Variants in TOP2A observed in about 807,000 individuals in gnomAD.
The protein encoded by TOP2A is DNA topoisomerase 2-alpha.
In TOP2A, 68 loss-of-function variants were observed where a neutral mutation model predicts 187.2. The ratio of observed to expected loss-of-function variants is 0.36; its 90% CI spans 0.30 to 0.44. The LOEUF (loss-of-function observed/expected upper bound fraction) is 0.44. Ranked by LOEUF, TOP2A falls within the 20% of genes least tolerant of loss-of-function variation. The pLI, the probability that TOP2A is intolerant of heterozygous loss-of-function variation, is 1.00. For synonymous variants in TOP2A, 542 were observed against 593.2 expected, an observed-to-expected ratio of 0.91 and a Z score of 1.25; for missense variants, 1,196 against 1,808.7, an observed-to-expected ratio of 0.66 and a Z score of 6.14.
chr17:40,399,012 A>G (rs1209389182), intron 25 of TOP2A, 28 bp downstream of exon 25: 1 of 1,592,458 alleles, frequency 6.3e-7, no homozygotes, highest in Admixed American at 1.8e-5. Context: ...AGTCTTTAAC[A>G]ATATAGAAAA....
Position 40,411,873 on chromosome 17 carries a change from A to G in TOP2A, c.790-55T>C, listed in dbSNP as rs569679938. On this transcript the variant is annotated intron_variant, in intron 7 of 34. Coordinates refer to ENST00000423485, the MANE Select transcript of TOP2A (RefSeq NM_001067.4). The surrounding 1 kb of genome is among the most constrained non-coding windows in gnomAD (Gnocchi z 4.4). ...AGAAAGTTATTAAAAAATAGGTTCA[A>G]TGATAGACTATGAGGACTTTCCAAA... 1.0e-5 allele frequency: 14 copies of G among 1,401,724 alleles called. No individual in the cohort carries two copies. The East Asian group carries it at 1.9e-4, about 19-fold the overall frequency. 86.8% of individuals were successfully genotyped at this position (1,401,724 alleles called of 1,614,324 possible).
At chr17:40,406,515 G>A (rs574025796) in intron 15 of TOP2A, 22 bp from the exon 16 acceptor site, 8 of 1,610,864 alleles carry the variant, frequency 5.0e-6, no homozygotes, top group Non-Finnish European at 6.8e-6. Flanking sequence ...AAAATACCAA[G>A]TTCCTTCATA....
chr17:40,414,670 A>G (rs1399677089), intron 4 of TOP2A, among the ~76,000 whole-genome samples: 1 of 151,982 alleles, frequency 6.6e-6, no homozygotes, highest in Non-Finnish European at 1.5e-5. Context: ...CCTGACCAAC[A>G]TGCAGAAACC....
chr17:40,393,858 C>A (rs529892674), intron 29 of TOP2A, among the ~76,000 whole-genome samples: 6 of 152,138 alleles, frequency 3.9e-5, no homozygotes, highest in African/African-American at 1.4e-4. Flanking sequence ...GAGTTTGAGA[C>A]CATCCTGGCC....
chr17:40,396,432 CT>C lies in TOP2A; in HGVS notation c.3570del (p.Val1191SerfsTer33). Reference protein sequence around the residue: ...AVEAKEKQDEQVGLPGKGGKA... With the variant: ...AVEAKEKQDEXVGLPGKGGKA... ...TTCCCCCCTTTCCCAGGAAGTCCGA[CT>C]TGTTCATCTTGTTTTTCCTTGGCTT... On this transcript the variant is annotated frameshift_variant, in exon 28 of 35. Coordinates refer to ENST00000423485, the MANE Select transcript of TOP2A (RefSeq NM_001067.4). LOFTEE classifies it high-confidence loss of function. 6.2e-7 allele frequency: 1 copy of C among 1,613,810 alleles called. No homozygotes were observed. Among genetic ancestry groups the C allele is most frequent in the Non-Finnish European group, 8.5e-7 (1 of 1,179,820 alleles).
In TOP2A at chr17:40,416,408, A is replaced by G. The variant is rs1332222708; in HGVS notation, c.268+14T>C. Reference sequence around the variant, plus strand: ...AAGATTTGACCAGATCTTTATATTAAAGGATTTACTCACCTAGAATCTCAT... The same window carrying G: ...AAGATTTGACCAGATCTTTATATTAGAGGATTTACTCACCTAGAATCTCAT... On this transcript the variant is annotated intron_variant, in intron 3 of 34. Coordinates refer to ENST00000423485, the MANE Select transcript of TOP2A (RefSeq NM_001067.4). 6.7e-7 allele frequency: 1 copy of G among 1,493,822 alleles called. No individual in the cohort carries two copies. The highest frequency in any genetic ancestry group is 2.0e-5 in the Admixed American group (1 of 50,098). The allele number at this position is 1,493,822 out of a possible 1,614,324, so 92.5% of individuals were successfully genotyped here.
chr17:40,410,585 CA>C (rs753605894), intron 10 of TOP2A: 1 of 455,024 alleles, frequency 2.2e-6, no homozygotes, highest in African/African-American at 2.0e-5. Flanking sequence ...TGTAGTAAAC[CA>C]AAAAAGAGAT....
At chr17:40,413,410 A>G in intron 5 of TOP2A, 70 bp downstream of exon 5, 10 of 1,407,380 alleles carry the variant, frequency 7.1e-6, no homozygotes, top group South Asian at 5.7e-5. Flanking sequence ...TTTAACCCTC[A>G]TGCCACAGAC....
At chr17:40,391,361 A>T in intron 33 of TOP2A, 145 bp downstream of exon 33, 1 of 805,098 alleles carries the variant, frequency 1.2e-6, no homozygotes, top group East Asian at 2.8e-5. Flanking sequence ...TTTGATTATA[A>T]AGATCGAAAA....
chr17:40,403,118 C>T, intron 19 of TOP2A, 64 bp from the exon 20 acceptor site: 5 of 1,451,086 alleles, frequency 3.4e-6, no homozygotes, highest in Non-Finnish European at 4.7e-6. Flanking sequence ...TATGACTTAA[C>T]CTCACTATAA....
At position 40,411,961 on chromosome 17, in the gene TOP2A, G is replaced by A; in HGVS notation, c.790-143C>T. The stretch of plus-strand genomic sequence containing the variant: ...TGGTCATTAAAGGACACAGGCCGAG[G>A]TGGGTGGATCACTTGAGCCCAGGAG... On this transcript the variant is annotated intron_variant, in intron 7 of 34. Coordinates refer to ENST00000423485, the MANE Select transcript of TOP2A (RefSeq NM_001067.4). This position sits in a 1 kb window ranked among gnomAD's most constrained non-coding sequence, Gnocchi z 4.4. 1.5e-6 allele frequency: 1 copy of A among 665,128 alleles called. No individual in the cohort carries two copies. The highest frequency in any genetic ancestry group is 2.6e-5 in the South Asian group (1 of 38,494). 41.2% of individuals were successfully genotyped at this position (665,128 alleles called of 1,614,324 possible). A position where few individuals can be genotyped will look rare whatever the true frequency, so the allele number is the denominator to read the frequency against.
At chr17:40,389,889 A>G in intron 34 of TOP2A, 76 bp downstream of exon 34, 1 of 1,437,020 alleles carries the variant, frequency 7.0e-7, no homozygotes, top group Non-Finnish European at 9.3e-7. Flanking sequence ...AGATATGCCA[A>G]ATTTTTAAGA....
chr17:40,416,895 GC>G lies in TOP2A; in HGVS notation c.22-1del, dbSNP rs766674887. ...TTGACTTGCATATTTTCATTTACAGGCTAGCAATTAAAAAAAAAGAGAGAAA... is the reference window on the plus strand; with the variant it reads ...TTGACTTGCATATTTTCATTTACAGGTAGCAATTAAAAAAAAAGAGAGAAA... On this transcript the variant is annotated splice_acceptor_variant, in intron 1 of 34. Coordinates refer to ENST00000423485, the MANE Select transcript of TOP2A (RefSeq NM_001067.4). LOFTEE classifies it high-confidence loss of function. The G allele has an allele frequency of 6.3e-7, 1 of 1,579,766 alleles. No individual in the cohort carries two copies. The highest frequency in any genetic ancestry group is 8.6e-7 in the Non-Finnish European group (1 of 1,167,722).
chr17:40,392,544 A>T, intron 30 of TOP2A, 41 bp downstream of exon 30: 1 of 1,579,898 alleles, frequency 6.3e-7, no homozygotes. Flanking sequence ...TGGCCATTCC[A>T]CTCTTACAGT....
chr17:40,393,927 G>A (rs970403371), intron 29 of TOP2A, among the ~76,000 whole-genome samples: 1 of 152,034 alleles, frequency 6.6e-6, no homozygotes, highest in East Asian at 1.9e-4. Context: ...ATGGTGGTGC[G>A]TGCCTGTAAT....
At position 40,417,890 on chromosome 17, in the gene TOP2A, G is replaced by C; in HGVS notation, c.-99C>G. The C allele has an allele frequency of 6.5e-7, 1 of 1,540,268 alleles. No individual in the cohort carries two copies. The highest frequency in any genetic ancestry group is 1.2e-5 in the South Asian group (1 of 86,930). ...CCAAGCCGCTTCTCCACAGACGCGC[G>C]TCGGTTAGGAGAGCTCCACTTGAAC... is the stretch of plus-strand genomic sequence containing the variant. On this transcript the variant is annotated 5_prime_UTR_variant, in exon 1 of 35. Transcript: ENST00000423485.
Position 40,392,358 on chromosome 17 carries a change from A to G in TOP2A, c.3965-17T>C. ...TTGTTTTTGCTAGTAAAAAAACCATATACAAAAAAATCAAAGAGGGTAGTA... is the reference window on the plus strand; with the variant it reads ...TTGTTTTTGCTAGTAAAAAAACCATGTACAAAAAAATCAAAGAGGGTAGTA... On this transcript the variant is annotated splice_polypyrimidine_tract_variant and intron_variant, in intron 30 of 34. Coordinates refer to ENST00000423485, the MANE Select transcript of TOP2A (RefSeq NM_001067.4). 1.3e-6 allele frequency: 2 copies of G among 1,572,552 alleles called. No homozygotes were observed. Among genetic ancestry groups the G allele is most frequent in the African/African-American group, 1.4e-5 (1 of 73,926 alleles).
At chr17:40,413,395 A>G in intron 5 of TOP2A, 85 bp downstream of exon 5, 1 of 1,402,860 alleles carries the variant, frequency 7.1e-7, no homozygotes, top group Non-Finnish European at 9.6e-7. Context: ...ATTTATTTCC[A>G]TATCTTTAAC....
chr17:40,415,821 T>C (rs1219301182), intron 4 of TOP2A, among the ~76,000 whole-genome samples, 184 bp downstream of exon 4: 2 of 152,204 alleles, frequency 1.3e-5, no homozygotes, highest in African/African-American at 4.8e-5. Flanking sequence ...GGAGAAAATA[T>C]GGAAAAACGT....
Sources: allele counts gnomAD v4.1 joint callset (sites outside exome capture counted in the v4.1 genomes callset), GRCh38; gene constraint gnomAD v4.1.1; non-coding constraint Gnocchi (gnomAD v3.1); transcripts MANE v1.5; gene names NCBI Gene and HGNC (gene_info 2026-07-23, HGNC 2026-07-21).